Variants in EYA1 observed in about 807,000 individuals in gnomAD.
The protein encoded by EYA1 is protein phosphatase EYA1.
A neutral mutation model predicts 82.0 loss-of-function variants in EYA1; 16 were observed. The observed-to-expected ratio is 0.20, with a 90% confidence interval of 0.13 to 0.30. The LOEUF is 0.30. Among genes scored for constraint, EYA1 ranks in the 10% least tolerant of loss-of-function variants. The pLI, the probability that EYA1 is intolerant of heterozygous loss-of-function variation, is 1.00. For synonymous variants in EYA1, 261 were observed against 264.4 expected (o/e 0.99, Z 0.12); for missense variants, 633 against 730.7 (o/e 0.87, Z 1.54).
At chr8:71,274,388 A>C (rs888315938) in intron 9 of EYA1, among the ~76,000 whole-genome samples, 1 of 152,198 alleles carries the variant, frequency 6.6e-6, no homozygotes, top group African/African-American at 2.4e-5. Flanking sequence ...TCCTAGTGCA[A>C]AACAACTCAA....
intron 2 of EYA1, among the ~76,000 whole-genome samples, chr8:71,451,010 G>A (rs1034100831): frequency 6.6e-6 from 1 of 152,168 alleles, no homozygotes; most frequent in Admixed American, 6.5e-5. Flanking sequence ...TTAATTATCA[G>A]AGAAATGCAC....
chr8:71,452,731 A>T (rs1807497981), intron 2 of EYA1, among the ~76,000 whole-genome samples: 1 of 152,212 alleles, frequency 6.6e-6, no homozygotes, highest in Admixed American at 6.5e-5. Context: ...AGGAAAACTA[A>T]CAAACAGAAA....
At chr8:71,381,965 C>T (rs1162469271) in intron 2 of EYA1, among the ~76,000 whole-genome samples, 2 of 152,212 alleles carry the variant, frequency 1.3e-5, no homozygotes, top group Non-Finnish European at 2.9e-5. Context: ...GCCTGAGGCA[C>T]TTAAAAATTT....
At chr8:71,330,714 T>C (rs1053497914) in intron 4 of EYA1, among the ~76,000 whole-genome samples, 6 of 152,212 alleles carry the variant, frequency 3.9e-5, no homozygotes, top group African/African-American at 7.2e-5. Flanking sequence ...GGCTAATCCA[T>C]TGATGCTTGT....
intron 9 of EYA1, among the ~76,000 whole-genome samples, chr8:71,282,502 A>C (rs191374429): frequency 5.5e-4 from 84 of 152,318 alleles, no homozygotes; most frequent in African/African-American, 1.9e-3. Context: ...CAAATAGTCA[A>C]GTCTCAATTT....
chr8:71,514,737 C>G (rs1336527927), intron 2 of EYA1, among the ~76,000 whole-genome samples: 1 of 152,156 alleles, frequency 6.6e-6, no homozygotes, highest in Non-Finnish European at 1.5e-5. Context: ...CCTCCCACAA[C>G]ACGTGGGAAT....
At chr8:71,337,503 G>C (rs1772353015) in intron 3 of EYA1, among the ~76,000 whole-genome samples, 2 of 152,060 alleles carry the variant, frequency 1.3e-5, no homozygotes, top group Admixed American at 1.3e-4. Context: ...TGGGCAACTT[G>C]CTACTCTCTA....
chr8:71,340,590 C>T (rs1825007779), intron 3 of EYA1, among the ~76,000 whole-genome samples: 1 of 152,154 alleles, frequency 6.6e-6, no homozygotes, highest in Non-Finnish European at 1.5e-5. Flanking sequence ...CACCTGTTTC[C>T]TTAAGTCTTC....
chr8:71,366,961 G>C (rs1827792555), upstream of EYA1, among the ~76,000 whole-genome samples: 1 of 152,114 alleles, frequency 6.6e-6, no homozygotes. Context: ...CAATATGGAA[G>C]AGAAAAAATC....
intron 2 of EYA1, among the ~76,000 whole-genome samples, chr8:71,496,926 A>T (rs202040395): frequency 6.9e-6 from 1 of 145,636 alleles, no homozygotes; most frequent in Non-Finnish European, 1.5e-5. Context: ...AAAAAAAAAA[A>T]GGAAGAGTCA....
intron 2 of EYA1, among the ~76,000 whole-genome samples, chr8:71,394,507 T>C (rs1313571704): frequency 6.6e-6 from 1 of 152,194 alleles, no homozygotes; most frequent in East Asian, 1.9e-4. Context: ...GCTTTCTACA[T>C]AGGGCTAGCC....
intron 17 of EYA1, among the ~76,000 whole-genome samples, chr8:71,202,648 A>G (rs575895394): frequency 2.6e-4 from 39 of 152,342 alleles, no homozygotes; most frequent in African/African-American, 8.7e-4. Context: ...AGGTTCTACA[A>G]TGAAAACTTT....
intron 2 of EYA1, among the ~76,000 whole-genome samples, chr8:71,489,755 A>AT (rs1270036960): frequency 6.6e-6 from 1 of 152,256 alleles, no homozygotes; most frequent in Admixed American, 6.5e-5. Context: ...TGATTTGGAA[A>AT]TTGGGTTATT....
At chr8:71,316,598 T>G (rs1821958083) in intron 7 of EYA1, among the ~76,000 whole-genome samples, 1 of 152,200 alleles carries the variant, frequency 6.6e-6, no homozygotes, top group African/African-American at 2.4e-5. Context: ...CTTATATTTT[T>G]GCTTCTCTGT....
intron 7 of EYA1, among the ~76,000 whole-genome samples, chr8:71,314,110 A>C (rs1398193480): frequency 1.3e-5 from 2 of 152,220 alleles, no homozygotes; most frequent in Non-Finnish European, 2.9e-5. Context: ...CTATAAGATG[A>C]AATTGATAAA....
chr8:71,523,173 C>CTTTTTT (rs201950125), intron 2 of EYA1, among the ~76,000 whole-genome samples: 1,292 of 110,672 alleles, frequency 0.012, 165 homozygotes, highest in African/African-American at 0.03. Flanking sequence ...TTTCTTTTTT[C>CTTTTTT]TTTTTCTTTT....
chr8:71,247,330 C>T (rs1224293572), intron 11 of EYA1, among the ~76,000 whole-genome samples: 1 of 152,144 alleles, frequency 6.6e-6, no homozygotes, highest in Non-Finnish European at 1.5e-5. Context: ...TCCTCTCCTG[C>T]CTGTGCCTTT....
intron 2 of EYA1, among the ~76,000 whole-genome samples, chr8:71,464,351 G>T (rs1471897262): frequency 2.0e-5 from 3 of 152,156 alleles, no homozygotes; most frequent in Non-Finnish European, 4.4e-5. Context: ...TGACAAATGT[G>T]CATTGCAGCT....
chr8:71,258,587 C>T (rs1814723837), intron 11 of EYA1, among the ~76,000 whole-genome samples: 1 of 152,184 alleles, frequency 6.6e-6, no homozygotes, highest in Non-Finnish European at 1.5e-5. Context: ...CTACAGAAAC[C>T]ACCAGGAATT....
Sources: allele counts gnomAD v4.1 joint callset (sites outside exome capture counted in the v4.1 genomes callset), GRCh38; gene constraint gnomAD v4.1.1; transcripts MANE v1.5; gene names NCBI Gene and HGNC (gene_info 2026-07-23, HGNC 2026-07-21).